The following FAAP20 variants were observed in gnomAD, a reference collection of about 807,000 sequenced individuals.
FAAP20 encodes Fanconi anemia core complex-associated protein 20.
FAAP20 carries 12 observed loss-of-function variants against 16.2 expected under a neutral mutation model. The observed-to-expected ratio is 0.74, with a 90% CI of 0.48 to 1.20. The LOEUF (loss-of-function observed/expected upper bound fraction) is 1.20. FAAP20 is among the 50% of genes most tolerant of loss of function. The pLI, the probability that FAAP20 is intolerant of heterozygous loss-of-function variation, is 0.00. For synonymous variants in FAAP20, 141 were observed against 110.7 expected (o/e 1.27, Z -1.72); for missense variants, 288 against 245.8 (o/e 1.17, Z -1.15).
intron 1 of FAAP20, 77 bp downstream of exon 1, chr1:2,194,610 CG>C: frequency 1.4e-6 from 1 of 740,406 alleles, no homozygotes. Context: ...GAGAATAGAG[CG>C]GGAGGCCCGC....
chr1:2,200,904 G>A (rs1689024087), upstream of FAAP20: 1 of 1,120,188 alleles, frequency 8.9e-7, no homozygotes, highest in Non-Finnish European at 1.1e-6. Context: ...GGAGTCCCCA[G>A]GGAAGGTCTG....
At chr1:2,185,350 T>C (rs999425149), downstream of FAAP20, 3 of 718,722 alleles carry the variant, frequency 4.2e-6, no homozygotes, top group Non-Finnish European at 7.8e-6. Context: ...GCCAGGAAAG[T>C]GAGCGTGTAG....
chr1:2,198,949 G>A (rs1256553710), upstream of FAAP20: 23 of 1,289,458 alleles, frequency 1.8e-5, no homozygotes, highest in Non-Finnish European at 2.3e-5. Context: ...AACATCGCCA[G>A]ATCTTTGGGG....
chr1:2,186,329 G>A (rs892721536), downstream of FAAP20: 1 of 221,854 alleles, frequency 4.5e-6, no homozygotes, highest in Non-Finnish European at 9.5e-6. Flanking sequence ...TCCCCAGCAG[G>A]TGAGCGTGGC....
At chr1:2,202,565 G>A (rs1360855475), upstream of FAAP20, among the ~76,000 whole-genome samples, 3 of 152,140 alleles carry the variant, frequency 2.0e-5, no homozygotes, top group Non-Finnish European at 2.9e-5. Flanking sequence ...CCTGGCTCAA[G>A]AAATCCTCCC....
Position 2,189,795 on chromosome 1 carries a change from G to A in FAAP20, c.471-14C>T. ...AGCTGGGTCAGCCTGCAAGGGAGGG[G>A]CCACACTCACTCGGCCACCTCCGCG... On this transcript the variant is annotated splice_polypyrimidine_tract_variant and intron_variant, in intron 3 of 3. Transcript: ENST00000378546. 3.1e-6 allele frequency: 5 copies of A among 1,604,286 alleles called. No homozygotes were observed. The highest frequency in any genetic ancestry group is 4.3e-6 in the Non-Finnish European group (5 of 1,172,020).
intron 3 of FAAP20, among the ~76,000 whole-genome samples, chr1:2,205,082 G>C (rs1307436837): frequency 3.4e-5 from 1 of 29,262 alleles, no homozygotes; most frequent in African/African-American, 1.4e-4. Context: ...CTTCCCCCGG[G>C]CTCCCCCACG....
At chr1:2,198,297 G>C, upstream of FAAP20, 1 of 693,604 alleles carries the variant, frequency 1.4e-6, no homozygotes, top group South Asian at 1.8e-5. Flanking sequence ...GGGGGCATCA[G>C]AGCCACCCAT....
chr1:2,205,367 C>T (rs1454353302), intron 3 of FAAP20, among the ~76,000 whole-genome samples: 2 of 147,702 alleles, frequency 1.4e-5, no homozygotes, highest in African/African-American at 5.0e-5. Flanking sequence ...CCAGCTGTGT[C>T]CTCGGCGCCC....
chr1:2,189,396 T>C (rs1294203624), downstream of FAAP20: 8 of 413,864 alleles, frequency 1.9e-5, no homozygotes, highest in Middle Eastern at 6.7e-4. Flanking sequence ...TCCACAAAGT[T>C]AGGAAAACGA....
At chr1:2,201,303 G>A (rs558341824), upstream of FAAP20, 102 of 1,080,870 alleles carry the variant, frequency 9.4e-5, no homozygotes, top group African/African-American at 2.3e-4. Context: ...CACGGTGAGC[G>A]ACCTCTGTAG....
At chr1:2,184,766 G>T (rs1687311217), downstream of FAAP20, 14 of 1,495,462 alleles carry the variant, frequency 9.4e-6, no homozygotes, top group Non-Finnish European at 1.3e-5. Context: ...CGGCACCTTG[G>T]GCAGCTGGTG....
intron 3 of FAAP20, chr1:2,192,222 T>C (rs1229249321): frequency 8.1e-6 from 8 of 986,020 alleles, no homozygotes; most frequent in Non-Finnish European, 7.2e-6. Context: ...TTCCCAAAGA[T>C]ATGGGGCTTG....
chr1:2,186,241 G>T (rs569458888), downstream of FAAP20: 1 of 284,322 alleles, frequency 3.5e-6, no homozygotes, highest in African/African-American at 2.2e-5. Context: ...CCCATTGTGC[G>T]GCTGGTGGCT....
In FAAP20 at chr1:2,193,749, C is replaced by A. The variant is rs1290283051; in HGVS notation, c.360G>T (p.Gln120His). 3 of 1,592,112 alleles carry A rather than the reference C, an allele frequency of 1.9e-6. No individual in the cohort carries two copies. The highest frequency in any genetic ancestry group is 2.6e-6 in the Non-Finnish European group (3 of 1,173,026). The change falls in exon 3 of 4, where the codon CAG becomes CAT. Residue 120 changes from glutamine (Q) to histidine (H), a missense_variant. Coordinates refer to ENST00000378546, the MANE Select transcript of FAAP20 (RefSeq NM_182533.4). ...HLESPARSLP[Q>H]RPAPDPCRAP... ...CCCTGCAGGGATCAGGTGCCGGGCG[C>A]TGGGGCAGGGACCTGGCGGGGGATT...
downstream of FAAP20, chr1:2,186,884 C>G (rs145188247): frequency 3.8e-4 from 66 of 174,928 alleles, no homozygotes; most frequent in Non-Finnish European, 7.2e-4. Flanking sequence ...CCAGTTTGGC[C>G]GTTCTTGTAC....
downstream of FAAP20, among the ~76,000 whole-genome samples, chr1:2,207,909 CGTGTGTGTGT>C (rs58549960): frequency 0.066 from 9,663 of 145,852 alleles, 957 homozygotes; most frequent in African/African-American, 0.21. Flanking sequence ...TGGTAACACC[CGTGTGTGTGT>C]GTGTGTGTGT....
chr1:2,192,028 C>T, intron 3 of FAAP20: 1 of 985,576 alleles, frequency 1.0e-6, no homozygotes, highest in Non-Finnish European at 1.2e-6. Context: ...CTCCTGGCAG[C>T]TCCACTCCCC....
At chr1:2,201,240 A>G, upstream of FAAP20, 1 of 1,198,198 alleles carries the variant, frequency 8.3e-7, no homozygotes, top group Non-Finnish European at 1.1e-6. Context: ...GTTGGAAAAT[A>G]AGGACAGTGG....
Sources: allele counts gnomAD v4.1 joint callset (sites outside exome capture counted in the v4.1 genomes callset), GRCh38; gene constraint gnomAD v4.1.1; transcripts MANE v1.5; gene names NCBI Gene and HGNC (gene_info 2026-07-23, HGNC 2026-07-21).